The following RTCB variants were observed in gnomAD, a reference collection of about 807,000 sequenced individuals.
The protein encoded by RTCB is RNA 2',3'-cyclic phosphate and 5'-OH ligase.
Under a neutral mutation model 58.2 loss-of-function variants are expected in RTCB, and 32 were observed. The observed-to-expected ratio is 0.55, with a 90% CI of 0.41 to 0.74. RTCB has a LOEUF of 0.74. RTCB is among the 30% of genes least tolerant of loss of function. The probability of loss-of-function intolerance (pLI) is 0.00; values close to 1 mark genes in which losing one functional copy is unlikely to be tolerated. For synonymous variants in RTCB, 247 were observed against 218.6 expected, an observed-to-expected ratio of 1.13 and a Z score of -1.15; for missense variants, 523 against 639.0, an observed-to-expected ratio of 0.82 and a Z score of 1.96.
chr22:32,389,703 C>G (rs540884721), intron 11 of RTCB, among the ~76,000 whole-genome samples: 2 of 152,310 alleles, frequency 1.3e-5, no homozygotes, highest in African/African-American at 4.8e-5. Context: ...CTCCTCTCAT[C>G]TATTCAAGGA....
intron 1 of RTCB, among the ~76,000 whole-genome samples, chr22:32,409,117 A>C (rs571895100): frequency 6.6e-6 from 1 of 152,296 alleles, no homozygotes; most frequent in Non-Finnish European, 1.5e-5. Context: ...TTTTGTGATA[A>C]AGAAAAATCT....
chr22:32,399,976 G>A lies in RTCB; in HGVS notation c.498-217C>T, dbSNP rs1933308330. Reference sequence around the variant, plus strand: ...ATATAAAATGATAAATGCCCTATTAGACATCATTATAGTTCTACTTGACAT... The same window carrying A: ...ATATAAAATGATAAATGCCCTATTAAACATCATTATAGTTCTACTTGACAT... On this transcript the variant is annotated intron_variant, in intron 5 of 11. Coordinates refer to ENST00000216038, the MANE Select transcript of RTCB (RefSeq NM_014306.5). 5 of 407,636 alleles carry A rather than the reference G, an allele frequency of 1.2e-5. No homozygotes were observed. The East Asian group carries it at 1.8e-4, about 14-fold the overall frequency. The allele number at this position is 407,636 out of a possible 1,614,324, so 25.3% of individuals were successfully genotyped here.
chr22:32,406,615 C>T lies in RTCB; in HGVS notation c.340+47G>A, dbSNP rs1933426683. The T allele has an allele frequency of 2.2e-6, 3 of 1,381,814 alleles. No individual in the cohort carries two copies. The South Asian group carries it at 3.5e-5, about 16-fold the overall frequency. The allele number at this position is 1,381,814 out of a possible 1,614,324, so 85.6% of individuals were successfully genotyped here. On this transcript the variant is annotated intron_variant, in intron 4 of 11. Coordinates refer to ENST00000216038, the MANE Select transcript of RTCB (RefSeq NM_014306.5). Reference sequence around the variant, plus strand: ...GGATTACAGACGTGAGCCACCGTGCCCGGCCAATGCTACACACTTAACAGC... The same window carrying T: ...GGATTACAGACGTGAGCCACCGTGCTCGGCCAATGCTACACACTTAACAGC...
At position 32,399,763 on chromosome 22, in the gene RTCB, G is replaced by C; in HGVS notation, c.498-4C>G. 6.2e-7 allele frequency: 1 copy of C among 1,612,860 alleles called. No homozygotes were observed. Among genetic ancestry groups the C allele is most frequent in the East Asian group, 2.2e-5 (1 of 44,860 alleles). On this transcript the variant is annotated splice_polypyrimidine_tract_variant and splice_region_variant and intron_variant, in intron 5 of 11. Coordinates refer to ENST00000216038, the MANE Select transcript of RTCB (RefSeq NM_014306.5). ...CTCCAAGGCCTCCTCCAAGTCTCTG[G>C]ATAAGTATAAAAGGTGCTAGTCATC... is the stretch of plus-strand genomic sequence containing the variant.
At chr22:32,394,114 CTT>C (rs11396073) in intron 9 of RTCB, 112 bp from the exon 10 acceptor site, 3,351 of 505,836 alleles carry the variant, frequency 6.6e-3, no homozygotes, top group South Asian at 7.7e-3. Context: ...ACCCAGACTT[CTT>C]TTTTTTTTTT....
intron 9 of RTCB, among the ~76,000 whole-genome samples, chr22:32,394,557 G>A (rs1180695490): frequency 6.6e-6 from 1 of 152,164 alleles, no homozygotes; most frequent in Non-Finnish European, 1.5e-5. Flanking sequence ...TAAGAGCAAA[G>A]CAAAATCCAA....
Position 32,393,988 on chromosome 22 carries a change from T to C in RTCB, c.1194A>G (p.Pro398=). The C allele has an allele frequency of 5.0e-6, 8 of 1,612,720 alleles. No individual in the cohort carries two copies. Among genetic ancestry groups the C allele is most frequent in the Non-Finnish European group, 6.8e-6 (8 of 1,178,616 alleles). The change falls in exon 10 of 12, where the codon CCA becomes CCG. Residue 398 remains proline, a synonymous_variant. Transcript: ENST00000216038. ...TTCCCATGGTGCCACCAATGAGCACTGGCTGTCCAGTGAGCTGAGGATGCA... is the reference window on the plus strand; with the variant it reads ...TTCCCATGGTGCCACCAATGAGCACCGGCTGTCCAGTGAGCTGAGGATGCA... ...IAVDYQLTGQ[P]VLIGGTMGTC...
At chr22:32,404,605 C>T (rs550589861) in intron 4 of RTCB, among the ~76,000 whole-genome samples, 1 of 152,110 alleles carries the variant, frequency 6.6e-6, no homozygotes, top group Non-Finnish European at 1.5e-5. Flanking sequence ...GGGGGTCTCC[C>T]TATGTTGTGC....
chr22:32,403,324 G>A (rs1013508622), intron 4 of RTCB, among the ~76,000 whole-genome samples: 21 of 151,954 alleles, frequency 1.4e-4, no homozygotes, highest in African/African-American at 4.6e-4. Flanking sequence ...GGAGAATGGC[G>A]TGAACCCAGA....
At position 32,412,079 on chromosome 22, in the gene RTCB, G is replaced by A; in HGVS notation, c.78C>T (p.Phe26=). Residue 26 remains phenylalanine (F), a synonymous_variant, in exon 1 of 12, where the codon TTC becomes TTT. Transcript: ENST00000216038. ...CCTGCCTTACCTGCATGTTGGGCACGAAGCCCTTCTTGATCCTCCAGCAGT... is the reference window on the plus strand; with the variant it reads ...CCTGCCTTACCTGCATGTTGGGCACAAAGCCCTTCTTGATCCTCCAGCAGT... ...NKNCWRIKKG[F]VPNMQVEGVF... 6.2e-7 allele frequency: 1 copy of A among 1,607,404 alleles called. No homozygotes were observed. Among genetic ancestry groups the A allele is most frequent in the South Asian group, 1.1e-5 (1 of 90,316 alleles).
chr22:32,408,309 T>C (rs1933462835), intron 2 of RTCB, 67 bp from the exon 3 acceptor site: 2 of 1,318,680 alleles, frequency 1.5e-6, no homozygotes, highest in Admixed American at 1.8e-5. Context: ...TATATTCATG[T>C]TTTTAGACTG....
chr22:32,407,515 T>C (rs1388340465), intron 3 of RTCB: 1 of 152,512 alleles, frequency 6.6e-6, no homozygotes, highest in Non-Finnish European at 1.5e-5. Flanking sequence ...AATGATCCTC[T>C]GCATAGGAAG....
intron 4 of RTCB, among the ~76,000 whole-genome samples, chr22:32,405,174 CTA>C (rs1933399187): frequency 6.6e-6 from 1 of 152,110 alleles, no homozygotes; most frequent in African/African-American, 2.4e-5. Flanking sequence ...TTCTCAAAAG[CTA>C]TATGACATAA....
At chr22:32,406,368 G>A (rs1435106375) in intron 4 of RTCB, among the ~76,000 whole-genome samples, 2 of 152,040 alleles carry the variant, frequency 1.3e-5, no homozygotes, top group Non-Finnish European at 2.9e-5. Flanking sequence ...CTGTCACCAG[G>A]CTGGAGTACA....
At chr22:32,397,834 T>C (rs756749502) in intron 7 of RTCB, 107 bp downstream of exon 7, 5 of 1,016,488 alleles carry the variant, frequency 4.9e-6, no homozygotes, top group Non-Finnish European at 7.0e-6. Flanking sequence ...ATTTAATTGT[T>C]GAGGACTCAG....
intron 4 of RTCB, among the ~76,000 whole-genome samples, 171 bp from the exon 5 acceptor site, chr22:32,402,074 T>C (rs1933344799): frequency 6.6e-6 from 1 of 152,176 alleles, no homozygotes. Context: ...ACCAAGATAA[T>C]CTAAAGTAAC....
At chr22:32,401,585 A>C in intron 5 of RTCB, 162 bp downstream of exon 5, 1 of 679,784 alleles carries the variant, frequency 1.5e-6, no homozygotes, top group Non-Finnish European at 2.4e-6. Context: ...TAATGTCTCC[A>C]ATAAATGGGC....
At position 32,405,059 on chromosome 22, in the gene RTCB, G is replaced by T. The variant is rs373576717; in HGVS notation, c.340+1603C>A. Among the ~76,000 whole-genome samples, 30 of 152,182 alleles carry T rather than the reference G, an allele frequency of 2.0e-4. No homozygotes were observed. In the South Asian group the frequency reaches 6.2e-3, roughly 32 times the overall value. Reference sequence around the variant, plus strand: ...TAGTATGGTCCAGAGACCCTGGGGTGGGGGTGAGGGGGAAGACCATTTCAG... The same window carrying T: ...TAGTATGGTCCAGAGACCCTGGGGTTGGGGTGAGGGGGAAGACCATTTCAG... On this transcript the variant is annotated intron_variant, in intron 4 of 11. Coordinates refer to ENST00000216038, the MANE Select transcript of RTCB (RefSeq NM_014306.5).
chr22:32,388,658 C>T (rs991018941), intron 11 of RTCB, among the ~76,000 whole-genome samples: 24 of 152,130 alleles, frequency 1.6e-4, no homozygotes, highest in Non-Finnish European at 2.9e-4. Context: ...AGCAACATTC[C>T]CACCATTCCA....
Sources: allele counts gnomAD v4.1 joint callset (sites outside exome capture counted in the v4.1 genomes callset), GRCh38; gene constraint gnomAD v4.1.1; transcripts MANE v1.5; gene names NCBI Gene and HGNC (gene_info 2026-07-23, HGNC 2026-07-21).